APBB2: variants seen among roughly 807,000 people sequenced by gnomAD.
APBB2 encodes the protein amyloid beta precursor protein binding family B member 2.
In APBB2, 38 loss-of-function variants were observed where a neutral mutation model predicts 82.5. The observed-to-expected ratio is 0.46, with a 90% CI of 0.36 to 0.60. APBB2 has a LOEUF of 0.60. APBB2 is among the 20% of genes least tolerant of loss of function. The pLI is 0.00. For missense variants in APBB2, 772 were observed against 972.3 expected (o/e 0.79, Z 2.74); for synonymous variants, 341 against 368.2 (o/e 0.93, Z 0.85).
At chr4:40,983,100 C>A (rs1183089363) in intron 6 of APBB2, among the ~76,000 whole-genome samples, 3 of 152,204 alleles carry the variant, frequency 2.0e-5, no homozygotes, top group Non-Finnish European at 4.4e-5. Flanking sequence ...AGATGCTGTT[C>A]TAAGTACTTC....
At chr4:41,170,622 T>G (rs1488968512) in intron 1 of APBB2, among the ~76,000 whole-genome samples, 1 of 152,148 alleles carries the variant, frequency 6.6e-6, no homozygotes, top group Non-Finnish European at 1.5e-5. Context: ...TAAGGAAGAC[T>G]AAGGAAACAA....
chr4:40,917,619 G>A (rs896306727), intron 10 of APBB2, among the ~76,000 whole-genome samples: 3 of 152,166 alleles, frequency 2.0e-5, no homozygotes, highest in Non-Finnish European at 4.4e-5. Flanking sequence ...AGCAACATGA[G>A]TTCTGTGAAT....
chr4:41,125,778 G>C, intron 2 of APBB2, among the ~76,000 whole-genome samples: 1 of 152,130 alleles, frequency 6.6e-6, no homozygotes, highest in Non-Finnish European at 1.5e-5. Flanking sequence ...TGAAAACCAG[G>C]GATTAAATTA....
At chr4:40,855,975 G>A (rs1444708757) in intron 12 of APBB2, among the ~76,000 whole-genome samples, 6 of 152,112 alleles carry the variant, frequency 3.9e-5, no homozygotes, top group African/African-American at 1.2e-4. Context: ...ATTCCTTTCT[G>A]AACTCAACTA....
In APBB2 at chr4:40,998,476, G is replaced by T. The variant is rs186063371; in HGVS notation, c.835+15107C>A. On this transcript the variant is annotated intron_variant, in intron 6 of 17. Coordinates refer to ENST00000508593, the MANE Select transcript of APBB2 (RefSeq NM_004307.2). The stretch of plus-strand genomic sequence containing the variant: ...AAGAAATTAGAAATTATGGAATTTT[G>T]GTGTAACATCAAAAAAGAATATCCA... Among the ~76,000 whole-genome samples, 115 of 152,148 alleles carry T rather than the reference G, an allele frequency of 7.6e-4. 1 individual carries two copies. Among genetic ancestry groups the T allele is most frequent in the African/African-American group, 2.6e-3 (108 of 41,508 alleles).
At chr4:41,143,677 A>C (rs956734105) in intron 1 of APBB2, among the ~76,000 whole-genome samples, 1 of 152,258 alleles carries the variant, frequency 6.6e-6, no homozygotes, top group Non-Finnish European at 1.5e-5. Context: ...GCTATAAAAA[A>C]TTCTAATGCG....
At chr4:40,940,403 G>A (rs1191399923) in intron 7 of APBB2, among the ~76,000 whole-genome samples, 2 of 152,126 alleles carry the variant, frequency 1.3e-5, no homozygotes, top group Admixed American at 6.5e-5. Flanking sequence ...AGGTTCTCCT[G>A]GCACCATTCC....
chr4:41,096,323 CT>C (rs1219884956), intron 3 of APBB2, among the ~76,000 whole-genome samples: 4 of 152,340 alleles, frequency 2.6e-5, no homozygotes, highest in Middle Eastern at 3.4e-3. Context: ...TAGCAAGTTA[CT>C]TTTCCCCCGA....
At chr4:40,949,811 C>T (rs3935357) in intron 6 of APBB2, among the ~76,000 whole-genome samples, 97,175 of 152,026 alleles carry the variant, frequency 0.64, 31,718 homozygotes, top group Non-Finnish European at 0.72. Flanking sequence ...GCGTCTGCCA[C>T]GCACCCCCTT....
chr4:40,863,369 A>C (rs1223814360), intron 12 of APBB2, among the ~76,000 whole-genome samples: 1 of 152,170 alleles, frequency 6.6e-6, no homozygotes, highest in African/African-American at 2.4e-5. Flanking sequence ...TTCAAACTTC[A>C]ATGTGCAAAT....
intron 5 of APBB2, among the ~76,000 whole-genome samples, chr4:41,029,229 G>C (rs191684125): frequency 5.3e-5 from 8 of 152,264 alleles, no homozygotes; most frequent in African/African-American, 1.9e-4. Flanking sequence ...AAAATATTAA[G>C]GAAATGAAAT....
intron 1 of APBB2, among the ~76,000 whole-genome samples, chr4:41,168,498 C>A (rs1767341691): frequency 6.6e-6 from 1 of 151,862 alleles, no homozygotes; most frequent in Non-Finnish European, 1.5e-5. Flanking sequence ...GCCACCATGC[C>A]CAGCGAAGTC....
intron 10 of APBB2, among the ~76,000 whole-genome samples, chr4:40,933,143 C>T (rs1784614994): frequency 6.6e-6 from 1 of 152,224 alleles, no homozygotes; most frequent in African/African-American, 2.4e-5. Flanking sequence ...GGATTACAGG[C>T]GTAAGGCACC....
At position 40,921,936 on chromosome 4, in the gene APBB2, C is replaced by T. The variant is rs552407667; in HGVS notation, c.1254+12520G>A. The stretch of plus-strand genomic sequence containing the variant: ...GACCTTTCTGCCCCTTCCTGAGCAG[C>T]GTGTCTGCCGAGAGAATGAGACCAT... On this transcript the variant is annotated intron_variant, in intron 10 of 17. Transcript: ENST00000508593. Among the ~76,000 whole-genome samples the T allele has an allele frequency of 5.3e-5, 8 of 152,272 alleles. No homozygotes were observed. In the South Asian group the frequency reaches 1.4e-3, roughly 28 times the overall value.
intron 4 of APBB2, among the ~76,000 whole-genome samples, chr4:41,051,138 G>A (rs995894601): frequency 1.3e-4 from 20 of 152,124 alleles, no homozygotes; most frequent in African/African-American, 2.9e-4. Context: ...AAACAAAGGC[G>A]GGTCTCTAAA....
At chr4:40,881,022 T>C (rs1768327303) in intron 12 of APBB2, 1 of 985,322 alleles carries the variant, frequency 1.0e-6, no homozygotes, top group Non-Finnish European at 1.2e-6. Context: ...TACGATGTCT[T>C]TCCTTAAAGG....
chr4:41,162,398 G>A (rs76903400), intron 1 of APBB2, among the ~76,000 whole-genome samples: 6,251 of 151,932 alleles, frequency 0.041, 144 homozygotes, highest in Middle Eastern at 0.058. Flanking sequence ...CCATGGGGAC[G>A]ATTCTGTCTC....
At chr4:40,932,860 ATGTTT>A (rs573259264) in intron 10 of APBB2, among the ~76,000 whole-genome samples, 1 of 151,252 alleles carries the variant, frequency 6.6e-6, no homozygotes, top group African/African-American at 2.5e-5. Flanking sequence ...GCTTGTTAAG[ATGTTT>A]TGTTTTGTTT....
At position 40,972,647 on chromosome 4, in the gene APBB2, C is replaced by T. The variant is rs62410359; in HGVS notation, c.836-27574G>A. ...CATTGAACTAGGTGTTAGAAGTAAA[C>T]AGAGGCAACCACACTGCTGACTTCA... On this transcript the variant is annotated intron_variant, in intron 6 of 17. Coordinates refer to ENST00000508593, the MANE Select transcript of APBB2 (RefSeq NM_004307.2). Among the ~76,000 whole-genome samples the T allele has an allele frequency of 2.6e-5, 4 of 152,140 alleles. No individual in the cohort carries two copies. In the South Asian group the frequency reaches 8.3e-4, roughly 31 times the overall value.
Sources: allele counts gnomAD v4.1 joint callset (sites outside exome capture counted in the v4.1 genomes callset), GRCh38; gene constraint gnomAD v4.1.1; transcripts MANE v1.5; gene names NCBI Gene and HGNC (gene_info 2026-07-23, HGNC 2026-07-21).